The following HOOK1 variants were observed in gnomAD, a reference collection of about 807,000 sequenced individuals.
The protein encoded by HOOK1 is protein Hook homolog 1.
A neutral mutation model predicts 112.8 loss-of-function variants in HOOK1; 60 were observed. That is an observed-to-expected ratio of 0.53 (90% confidence interval 0.43 to 0.66). The LOEUF (loss-of-function observed/expected upper bound fraction) is 0.66. Ranked by LOEUF, HOOK1 falls within the 30% of genes least tolerant of loss-of-function variation. The pLI is 0.00. For synonymous variants in HOOK1, 294 were observed against 283.8 expected (o/e 1.04, Z -0.36); for missense variants, 770 against 856.0 (o/e 0.90, Z 1.25).
In HOOK1 at chr1:59,874,542, T is replaced by C. The variant is rs1280801174; in HGVS notation, c.*1577T>C. On this transcript the variant is annotated 3_prime_UTR_variant, in exon 22 of 22. Transcript: ENST00000371208. ...AATGGACAAAGAGTAAATACTTTAG[T>C]AAATGTCTTAGGCTTTGTGGCCTAC... 1 of 152,206 alleles carries C rather than the reference T, an allele frequency of 6.6e-6. No homozygotes were observed. Among genetic ancestry groups the C allele is most frequent in the Non-Finnish European group, 1.5e-5 (1 of 68,014 alleles). The allele number at this position is 152,206 out of a possible 1,614,324, so 9.4% of individuals were successfully genotyped here.
chr1:59,842,883 G>A (rs748539595), intron 8 of HOOK1, among the ~76,000 whole-genome samples: 22 of 151,872 alleles, frequency 1.4e-4, no homozygotes, highest in Non-Finnish European at 2.1e-4. Context: ...GTTTTTATTC[G>A]TTTTAAATCA....
rs1644100374 is a variant in HOOK1 at position 59,874,323 on chromosome 1, G to A, written c.*1358G>A. ...AAATACTATTTGATATTAGATGTTA[G>A]ACCACAAAAAGAAGAAAAATGTTAG... On this transcript the variant is annotated 3_prime_UTR_variant, in exon 22 of 22. Transcript: ENST00000371208. 6.6e-6 allele frequency: 1 copy of A among 152,000 alleles called. No homozygotes were observed. The highest frequency in any genetic ancestry group is 1.5e-5 in the Non-Finnish European group (1 of 67,978). The allele number at this position is 152,000 out of a possible 1,614,324, so 9.4% of individuals were successfully genotyped here. A position where few individuals can be genotyped will look rare whatever the true frequency, so the allele number is the denominator to read the frequency against.
Position 59,874,489 on chromosome 1 carries a change from T to C in HOOK1, c.*1524T>C, listed in dbSNP as rs1644104354. 6.6e-6 allele frequency: 1 copy of C among 152,190 alleles called. No homozygotes were observed. The highest frequency in any genetic ancestry group is 1.9e-4 in the East Asian group (1 of 5,192). The allele number at this position is 152,190 out of a possible 1,614,324, so 9.4% of individuals were successfully genotyped here. ...CATACATACCTATCAGCAGTGTGTT[T>C]AGACCAGGGGTCTGCAAACTTTCTG... is the stretch of plus-strand genomic sequence containing the variant. On this transcript the variant is annotated 3_prime_UTR_variant, in exon 22 of 22. Coordinates refer to ENST00000371208, the MANE Select transcript of HOOK1 (RefSeq NM_015888.6).
intron 2 of HOOK1, among the ~76,000 whole-genome samples, chr1:59,825,405 A>G (rs1002710350): frequency 3.3e-5 from 5 of 152,176 alleles, no homozygotes; most frequent in Non-Finnish European, 5.9e-5. Context: ...GAGACAGATA[A>G]TGTAGGATAT....
chr1:59,846,587 C>CT (rs796920692), intron 9 of HOOK1, among the ~76,000 whole-genome samples: 1 of 117,126 alleles, frequency 8.5e-6, no homozygotes, highest in African/African-American at 3.3e-5. Flanking sequence ...TCCTTCCTTC[C>CT]TCCCTCCTCC....
intron 12 of HOOK1, among the ~76,000 whole-genome samples, chr1:59,851,695 A>C (rs1034536537): frequency 1.3e-5 from 2 of 151,678 alleles, no homozygotes; most frequent in African/African-American, 4.8e-5. Context: ...GTACAATGTT[A>C]AATAAAAGTG....
rs1644115601 is a variant in HOOK1 at position 59,875,286 on chromosome 1, C to T, written c.*2321C>T. ...CTGAATAAGGACATAAGGCTAGATT[C>T]ATTTTTCTTAATAGAGAAAAAGGAA... On this transcript the variant is annotated 3_prime_UTR_variant, in exon 22 of 22. Coordinates refer to ENST00000371208, the MANE Select transcript of HOOK1 (RefSeq NM_015888.6). 6.6e-6 allele frequency: 1 copy of T among 152,464 alleles called. No individual in the cohort carries two copies. Among genetic ancestry groups the T allele is most frequent in the Middle Eastern group, 3.2e-3 (1 of 316 alleles). The allele number at this position is 152,464 out of a possible 1,614,324, so 9.4% of individuals were successfully genotyped here. A position where few individuals can be genotyped will look rare whatever the true frequency, so the allele number is the denominator to read the frequency against.
chr1:59,842,882 C>T (rs974304204), intron 8 of HOOK1, among the ~76,000 whole-genome samples: 1 of 151,896 alleles, frequency 6.6e-6, no homozygotes, highest in Admixed American at 6.6e-5. Flanking sequence ...TGTTTTTATT[C>T]GTTTTAAATC....
chr1:59,855,487 G>A (rs2098409970), intron 12 of HOOK1, among the ~76,000 whole-genome samples: 1 of 152,114 alleles, frequency 6.6e-6, no homozygotes, highest in African/African-American at 2.4e-5. Context: ...TGGCTGCATA[G>A]TATTCCATGG....
chr1:59,835,468 C>G (rs2098396927), intron 6 of HOOK1, 56 bp downstream of exon 6: 2 of 948,974 alleles, frequency 2.1e-6, no homozygotes, highest in African/African-American at 3.4e-5. Flanking sequence ...TTATACAAAA[C>G]TTTTCATACT....
At chr1:59,815,454 G>C in intron 1 of HOOK1, 1 of 510,882 alleles carries the variant, frequency 2.0e-6, no homozygotes, top group Non-Finnish European at 3.5e-6. Context: ...CCTGCCTGGT[G>C]CCCTAACAGC....
chr1:59,866,010 C>T (rs971867266), intron 19 of HOOK1, 38 bp downstream of exon 19: 3 of 1,167,276 alleles, frequency 2.6e-6, no homozygotes, highest in Non-Finnish European at 3.8e-6. Context: ...GACTTTGTGG[C>T]CTGTGTTTTA....
chr1:59,838,592 A>T lies in HOOK1; in HGVS notation c.537+1657A>T, dbSNP rs546860605. 5.3e-5 allele frequency among the ~76,000 whole-genome samples: 8 copies of T among 152,026 alleles called. No homozygotes were observed. In the East Asian group the frequency reaches 1.5e-3, roughly 29 times the overall value. ...TGTTTAAGTTCTTTGTAGATTCTGG[A>T]TATTAGCCCTTTGTCAGATGGATAG... On this transcript the variant is annotated intron_variant, in intron 7 of 21. Transcript: ENST00000371208.
At chr1:59,863,087 T>C (rs187453039) in intron 16 of HOOK1, among the ~76,000 whole-genome samples, 82 of 152,278 alleles carry the variant, frequency 5.4e-4, no homozygotes, top group African/African-American at 1.9e-3. Flanking sequence ...TTTCTGTCTG[T>C]CCTGCTTCAA....
At position 59,835,425 on chromosome 1, in the gene HOOK1, A is replaced by C; in HGVS notation, c.474+13A>C. ...TGCTATTCAAGAGGTAAGTTATATC[A>C]TGTTCCTATGAGTATAAAAATCCTA... On this transcript the variant is annotated intron_variant, in intron 6 of 21. Transcript: ENST00000371208. The C allele has an allele frequency of 6.8e-7, 1 of 1,464,012 alleles. No individual in the cohort carries two copies. Among genetic ancestry groups the C allele is most frequent in the Non-Finnish European group, 9.5e-7 (1 of 1,049,636 alleles). 90.7% of individuals were successfully genotyped at this position (1,464,012 alleles called of 1,614,324 possible).
intron 3 of HOOK1, among the ~76,000 whole-genome samples, chr1:59,831,541 C>T (rs1176933166): frequency 6.6e-6 from 1 of 152,200 alleles, no homozygotes; most frequent in Non-Finnish European, 1.5e-5. Context: ...CCATTTTACA[C>T]AAATCTCCAG....
intron 12 of HOOK1, 62 bp from the exon 13 acceptor site, chr1:59,858,366 C>CA (rs1574216355): frequency 1.0e-6 from 1 of 994,852 alleles, no homozygotes. Flanking sequence ...AAATTGTAAG[C>CA]ATAAAGTACA....
chr1:59,863,941 C>T (rs930328757), intron 16 of HOOK1: 7 of 449,530 alleles, frequency 1.6e-5, no homozygotes, highest in Non-Finnish European at 2.1e-5. Flanking sequence ...AGGTATTTTG[C>T]AGGGAGCACA....
intron 6 of HOOK1, 36 bp downstream of exon 6, chr1:59,835,448 C>A: frequency 8.3e-7 from 1 of 1,208,372 alleles, no homozygotes; most frequent in Non-Finnish European, 1.2e-6. Context: ...TATAAAAATC[C>A]TAAACCAAAT....
Sources: gnomAD v4.1 joint callset for allele counts (sites outside exome capture counted in the v4.1 genomes callset) on GRCh38, gnomAD v4.1.1 for gene constraint, MANE v1.5 for transcripts, NCBI Gene and HGNC (gene_info 2026-07-23, HGNC 2026-07-21) for gene names.